Variants in PTCH1 observed in about 807,000 individuals in gnomAD.
The protein encoded by PTCH1 is patched 1, also known as protein patched homolog 1.
PTCH1 carries 14 observed loss-of-function variants against 144.6 expected under a neutral mutation model. The observed-to-expected ratio is 0.10, with a 90% CI of 0.06 to 0.15. The LOEUF is 0.15. Among genes scored for constraint, PTCH1 ranks in the 10% least tolerant of loss-of-function variants. The probability of loss-of-function intolerance (pLI) is 1.00; values close to 1 mark genes in which losing one functional copy is unlikely to be tolerated. For missense variants in PTCH1, 1,623 were observed against 1,948.3 expected (o/e 0.83, Z 3.14); for synonymous variants, 833 against 793.6 (o/e 1.05, Z -0.83).
rs35918689 is a variant in PTCH1 at position 95,501,539 on chromosome 9, TA to T, written c.394+4867del. On this transcript the variant is annotated intron_variant, in intron 2 of 23. Transcript: ENST00000331920. ...AAAAAACAATTTCTTCTATTTTTCTTAAAAAAAAAAAAAAGTCAAAGTCACA... is the reference window on the plus strand; with the variant it reads ...AAAAAACAATTTCTTCTATTTTTCTTAAAAAAAAAAAAAGTCAAAGTCACA... Among the ~76,000 whole-genome samples the T allele has an allele frequency of 3.0e-3, 430 of 145,288 alleles. 2 individuals carry two copies. The highest frequency in any genetic ancestry group is 3.7e-3 in the Non-Finnish European group (243 of 65,970).
rs1588605721 is a variant in PTCH1 at position 95,479,086 on chromosome 9, T to C, written c.1129A>G (p.Lys377Glu). 1 of 1,614,186 alleles carries C rather than the reference T, an allele frequency of 6.2e-7. No homozygotes were observed. Among genetic ancestry groups the C allele is most frequent in the Non-Finnish European group, 8.5e-7 (1 of 1,180,046 alleles). ...MTPKQMYEHF[K>E]GYEYVSHINW... is the part of the protein sequence containing the mutation. Reference sequence around the variant, plus strand: ...ATGTGTGAGACATACTCGTACCCCTTGAAGTGCTCGTACATTTGCTTGGGA... The same window carrying C: ...ATGTGTGAGACATACTCGTACCCCTCGAAGTGCTCGTACATTTGCTTGGGA... The change falls in exon 8 of 24, where the codon AAG becomes GAG. Residue 377 changes from lysine (K) to glutamate (E), a missense_variant. Lys to Glu is a moderately conservative substitution (Grantham distance 56). This residue lies in a region of PTCH1 where 230 missense variants were observed against 271.0 expected (regional missense o/e 0.85). Transcript: ENST00000331920.
In PTCH1 at chr9:95,497,543, G is replaced by A. The variant is rs919741399; in HGVS notation, c.394+8864C>T. 3.3e-5 allele frequency among the ~76,000 whole-genome samples: 5 copies of A among 152,318 alleles called. No individual in the cohort carries two copies. In the South Asian group the frequency reaches 1.0e-3, roughly 32 times the overall value. On this transcript the variant is annotated intron_variant, in intron 2 of 23. Coordinates refer to ENST00000331920, the MANE Select transcript of PTCH1 (RefSeq NM_000264.5). ...CGGGAGGGCTTCCTCTCACGGAGGA[G>A]GTCATCTTGGAGGCTCGGGCTCTCT... is the stretch of plus-strand genomic sequence containing the variant.
At chr9:95,446,855 GTCC>G in intron 23 of PTCH1, 53 bp downstream of exon 23, 1 of 1,609,354 alleles carries the variant, frequency 6.2e-7, no homozygotes, top group Non-Finnish European at 8.5e-7. Flanking sequence ...GGAGAACCTT[GTCC>G]TCCTCTTTGC....
In PTCH1 at chr9:95,458,986, C is replaced by A. The variant is rs1292363180; in HGVS notation, c.2887+614G>T. On this transcript the variant is annotated intron_variant, in intron 17 of 23. Transcript: ENST00000331920. This position sits in a 1 kb window ranked among gnomAD's most constrained non-coding sequence, Gnocchi z 4.7. ...TCTCCAGCCATGTTTGCAAGGGGACCCGTCTTCTTTCTCACATCCTCCCTT... is the reference window on the plus strand; with the variant it reads ...TCTCCAGCCATGTTTGCAAGGGGACACGTCTTCTTTCTCACATCCTCCCTT... Among the ~76,000 whole-genome samples, 1 of 152,190 alleles carries A rather than the reference C, an allele frequency of 6.6e-6. No individual in the cohort carries two copies. The highest frequency in any genetic ancestry group is 1.5e-5 in the Non-Finnish European group (1 of 68,040).
In PTCH1 at chr9:95,482,127, A is replaced by T. The variant is rs1588614471; in HGVS notation, c.654+7T>A. 4 of 1,614,066 alleles carry T rather than the reference A, an allele frequency of 2.5e-6. No homozygotes were observed. The highest frequency in any genetic ancestry group is 3.4e-6 in the Non-Finnish European group (4 of 1,179,922). ...GAGAAATTTTTGCCAACAAGAAGAA[A>T]ATATACCTGATCCATGTAACCTGTT... On this transcript the variant is annotated splice_region_variant and intron_variant, in intron 4 of 23. Coordinates refer to ENST00000331920, the MANE Select transcript of PTCH1 (RefSeq NM_000264.5).
intron 2 of PTCH1, among the ~76,000 whole-genome samples, chr9:95,502,392 G>A (rs1370536218): frequency 6.6e-6 from 1 of 152,196 alleles, no homozygotes; most frequent in Non-Finnish European, 1.5e-5. Flanking sequence ...TGCAATGGTG[G>A]TGCAGAGTAG....
intron 2 of PTCH1, 102 bp from the exon 3 acceptor site, chr9:95,485,976 T>C (rs1841938211): frequency 1.0e-5 from 13 of 1,300,862 alleles, no homozygotes; most frequent in Non-Finnish European, 1.3e-5. Flanking sequence ...ATAGATGAAC[T>C]CTAGTCATGA....
intron 2 of PTCH1, among the ~76,000 whole-genome samples, chr9:95,488,116 G>C: frequency 6.6e-6 from 1 of 152,174 alleles, no homozygotes; most frequent in East Asian, 1.9e-4. Flanking sequence ...TAATGGAGCA[G>C]TTATTTTATC....
At position 95,456,417 on chromosome 9, in the gene PTCH1, G is replaced by C. The variant is rs2136650566; in HGVS notation, c.3169-4C>G. 1 of 1,613,692 alleles carries C rather than the reference G, an allele frequency of 6.2e-7. No individual in the cohort carries two copies. The highest frequency in any genetic ancestry group is 8.5e-7 in the Non-Finnish European group (1 of 1,179,948). On this transcript the variant is annotated splice_region_variant and splice_polypyrimidine_tract_variant and intron_variant, in intron 18 of 23. Transcript: ENST00000331920. ...TCATCAGCGCCAGGACCATCACCTG[G>C]AGCAGGGCACACAGTGGTCAGTGGG...
In PTCH1 at chr9:95,445,247, C is replaced by A. The variant is rs1837785335; in HGVS notation, c.*1146G>T. The A allele has an allele frequency of 6.6e-6, 1 of 152,142 alleles. No homozygotes were observed. The highest frequency in any genetic ancestry group is 1.5e-5 in the Non-Finnish European group (1 of 68,054). The allele number at this position is 152,142 out of a possible 1,614,324, so 9.4% of individuals were successfully genotyped here. Reference sequence around the variant, plus strand: ...AGACTGTGGGCCAAGAAAGAATTAACTAAATAGGTTTTTCTACCTGTGACA... The same window carrying A: ...AGACTGTGGGCCAAGAAAGAATTAAATAAATAGGTTTTTCTACCTGTGACA... On this transcript the variant is annotated 3_prime_UTR_variant, in exon 24 of 24. Transcript: ENST00000331920.
intron 3 of PTCH1, chr9:95,483,064 C>T (rs952356367): frequency 6.6e-6 from 1 of 151,978 alleles, no homozygotes; most frequent in African/African-American, 2.4e-5. Context: ...TGCCACTGCC[C>T]TCCAGCCTGG....
upstream of PTCH1, among the ~76,000 whole-genome samples, chr9:95,510,274 A>T (rs1436767615): frequency 6.6e-6 from 1 of 152,118 alleles, no homozygotes; most frequent in African/African-American, 2.4e-5. Context: ...TTTTTTTACA[A>T]AACTCGGTAT....
In PTCH1 at chr9:95,478,175, CTGA is replaced by C. The variant is rs1489690325; in HGVS notation, c.1224_1226del (p.His408del). The C allele has an allele frequency of 1.2e-6, 2 of 1,614,102 alleles. No homozygotes were observed. Among genetic ancestry groups the C allele is most frequent in the African/African-American group, 1.3e-5 (1 of 74,942 alleles). On this transcript the variant is annotated inframe_deletion, in exon 9 of 24. Coordinates refer to ENST00000331920, the MANE Select transcript of PTCH1 (RefSeq NM_000264.5). ...TTTGAGTGGAGTTCTGTGCGACACTCTGATGAACCACCTGTGGTCACAACAGAA... is the reference window on the plus strand; with the variant it reads ...TTTGAGTGGAGTTCTGTGCGACACTCTGAACCACCTGTGGTCACAACAGAA...
chr9:95,495,212 A>C (rs1450706326), intron 2 of PTCH1: 1 of 152,114 alleles, frequency 6.6e-6, no homozygotes, highest in Non-Finnish European at 1.5e-5. Flanking sequence ...AAGTTTCATC[A>C]CCGGGTCAGC....
At chr9:95,450,145 T>G in intron 20 of PTCH1, 1 of 607,814 alleles carries the variant, frequency 1.6e-6, no homozygotes, top group Non-Finnish European at 3.0e-6. Flanking sequence ...GAGGACTACA[T>G]TCCACAACCC....
rs141016655 is a variant in PTCH1, at chr9:95,456,291, G to A, written c.3291C>T (p.Thr1097=). ...IASVGIGVEF[T]VHVALAFLTA... ...TCTCCCATACCAAAGCAACGTGAAC[G>A]GTGAACTCCACTCCTATGCCAACAG... The change falls in exon 19 of 24, where the codon ACC becomes ACT. Residue 1097 remains threonine, a synonymous_variant. Coordinates refer to ENST00000331920, the MANE Select transcript of PTCH1 (RefSeq NM_000264.5). 253 of 1,613,758 alleles carry A rather than the reference G, an allele frequency of 1.6e-4. No homozygotes were observed. Among genetic ancestry groups the A allele is most frequent in the Non-Finnish European group, 2.0e-4 (236 of 1,180,038 alleles).
At chr9:95,478,719 G>A (rs1841290032) in intron 8 of PTCH1, among the ~76,000 whole-genome samples, 1 of 152,088 alleles carries the variant, frequency 6.6e-6, no homozygotes, top group East Asian at 1.9e-4. Flanking sequence ...AGACACCTTT[G>A]CTAACCAAGT....
At chr9:95,450,889 G>A (rs1466049009) in intron 20 of PTCH1, 4 of 152,170 alleles carry the variant, frequency 2.6e-5, no homozygotes, top group Admixed American at 2.6e-4. Context: ...CAGACACTCT[G>A]CATGGCTGGA....
chr9:95,487,215 C>T (rs532672674), intron 2 of PTCH1, among the ~76,000 whole-genome samples: 3 of 152,262 alleles, frequency 2.0e-5, no homozygotes, highest in Non-Finnish European at 4.4e-5. Context: ...TGCAGGTCCA[C>T]GCGGATGCCA....
Sources: gnomAD v4.1 joint callset for allele counts (sites outside exome capture counted in the v4.1 genomes callset) on GRCh38, gnomAD v4.1.1 for gene constraint, gnomAD v4.1.1 regional missense constraint, Gnocchi (gnomAD v3.1) non-coding constraint, MANE v1.5 for transcripts, NCBI Gene and HGNC (gene_info 2026-07-23, HGNC 2026-07-21) for gene names.